BTBD9: variants seen among roughly 807,000 people sequenced by gnomAD.
BTBD9 encodes the protein BTB/POZ domain-containing protein 9.
BTBD9 carries 49 observed loss-of-function variants against 64.3 expected under a neutral mutation model. The ratio of observed to expected loss-of-function variants is 0.76; its 90% confidence interval spans 0.61 to 0.97. The LOEUF is 0.97. Among genes scored for constraint, BTBD9 ranks in the 50% least tolerant of loss-of-function variants. The pLI is 0.00. For missense variants in BTBD9, 598 were observed against 762.1 expected (o/e 0.78, Z 2.53); for synonymous variants, 260 against 274.7 (o/e 0.95, Z 0.53).
intron 9 of BTBD9, among the ~76,000 whole-genome samples, chr6:38,242,876 G>A (rs1764051982): frequency 6.6e-6 from 1 of 152,158 alleles, no homozygotes; most frequent in Admixed American, 6.5e-5. Flanking sequence ...CTTTCTCCTG[G>A]ACTAGGCCCT....
chr6:38,561,932 A>G (rs1392999987), intron 6 of BTBD9, among the ~76,000 whole-genome samples: 3 of 152,208 alleles, frequency 2.0e-5, no homozygotes, highest in Non-Finnish European at 4.4e-5. Flanking sequence ...GTAAAATAAA[A>G]GTTGAAATTA....
chr6:38,445,229 T>A (rs1769214506), intron 6 of BTBD9, among the ~76,000 whole-genome samples: 1 of 152,258 alleles, frequency 6.6e-6, no homozygotes, highest in African/African-American at 2.4e-5. Context: ...GAGTGGTCTA[T>A]AACTACAGTA....
At chr6:38,592,525 T>C (rs771229105) in intron 4 of BTBD9, 51 bp downstream of exon 4, 32 of 1,598,082 alleles carry the variant, frequency 2.0e-5, no homozygotes, top group Non-Finnish European at 2.7e-5. Context: ...TTTAATGGCA[T>C]GAGAGGCATA....
intron 6 of BTBD9, among the ~76,000 whole-genome samples, chr6:38,437,887 A>C (rs1458637829): frequency 1.3e-5 from 2 of 152,128 alleles, no homozygotes; most frequent in Non-Finnish European, 2.9e-5. Context: ...GAAAAGGGGA[A>C]AGAAAGGAAA....
chr6:38,267,282 T>A lies in BTBD9; in HGVS notation c.1455-10766A>T, dbSNP rs557873396. The stretch of plus-strand genomic sequence containing the variant: ...TTTGTGTGAGCTTTTCTGTTCTCTG[T>A]CCTCAATTCTATGAAATTATTAGGA... On this transcript the variant is annotated intron_variant, in intron 8 of 10. Coordinates refer to ENST00000481247, the MANE Select transcript of BTBD9 (RefSeq NM_001099272.2). 9.1e-4 allele frequency among the ~76,000 whole-genome samples: 138 copies of A among 152,366 alleles called. No individual in the cohort carries two copies. In the Middle Eastern group the frequency reaches 0.014, roughly 15 times the overall value.
chr6:38,179,378 G>C (rs1761436240), intron 10 of BTBD9: 2 of 454,654 alleles, frequency 4.4e-6, no homozygotes, highest in African/African-American at 2.0e-5. Flanking sequence ...GACTGATAAA[G>C]GAGAGCGCCC....
chr6:38,193,709 T>C (rs1490476265), intron 9 of BTBD9: 2 of 611,178 alleles, frequency 3.3e-6, no homozygotes, highest in African/African-American at 4.1e-5. Context: ...CTGCCATCCC[T>C]CCTCCGCTCT....
intron 6 of BTBD9, among the ~76,000 whole-genome samples, chr6:38,524,726 C>T (rs1773410833): frequency 6.6e-6 from 1 of 152,172 alleles, no homozygotes; most frequent in Non-Finnish European, 1.5e-5. Context: ...AATTCAGTCA[C>T]TTCTTGAAGC....
intron 7 of BTBD9, among the ~76,000 whole-genome samples, chr6:38,326,310 G>A (rs535952906): frequency 6.6e-6 from 1 of 152,142 alleles, no homozygotes; most frequent in Non-Finnish European, 1.5e-5. Context: ...ATGAGAATTG[G>A]TATAAAATGA....
At chr6:38,386,045 C>T (rs1269454282) in intron 6 of BTBD9, among the ~76,000 whole-genome samples, 2 of 152,122 alleles carry the variant, frequency 1.3e-5, no homozygotes, top group South Asian at 2.1e-4. Flanking sequence ...CCACCCAACT[C>T]GGCCTCCCAA....
intron 6 of BTBD9, among the ~76,000 whole-genome samples, chr6:38,495,417 C>T (rs1370712319): frequency 6.6e-6 from 1 of 152,174 alleles, no homozygotes; most frequent in African/African-American, 2.4e-5. Context: ...AGGACTGGAA[C>T]CAGAGTTAGC....
intron 6 of BTBD9, among the ~76,000 whole-genome samples, chr6:38,444,507 A>C (rs1031363391): frequency 2.0e-5 from 3 of 152,178 alleles, no homozygotes; most frequent in African/African-American, 7.2e-5. Context: ...TGTTGTGAAA[A>C]AATGTAAAGT....
At chr6:38,597,878 C>G in intron 2 of BTBD9, 32 bp downstream of exon 2, 1 of 1,596,216 alleles carries the variant, frequency 6.3e-7, no homozygotes, top group Non-Finnish European at 8.6e-7. Flanking sequence ...TACAAGTGAA[C>G]TAAATTTTCA....
chr6:38,531,533 A>C (rs901988182), intron 6 of BTBD9, among the ~76,000 whole-genome samples: 2 of 152,230 alleles, frequency 1.3e-5, no homozygotes, highest in African/African-American at 4.8e-5. Flanking sequence ...ATACAAAGAA[A>C]AATGGAATAC....
At chr6:38,526,872 C>T (rs1174021883) in intron 6 of BTBD9, among the ~76,000 whole-genome samples, 1 of 152,134 alleles carries the variant, frequency 6.6e-6, no homozygotes, top group African/African-American at 2.4e-5. Flanking sequence ...GCAGAAGGGG[C>T]TTGCCCTGTC....
At chr6:38,587,698 G>T in intron 4 of BTBD9, 1 of 635,392 alleles carries the variant, frequency 1.6e-6, no homozygotes. Flanking sequence ...GGATAGCTTG[G>T]AACCACCTGG....
At chr6:38,562,863 T>G (rs1332995125) in intron 6 of BTBD9, among the ~76,000 whole-genome samples, 2 of 152,182 alleles carry the variant, frequency 1.3e-5, no homozygotes, top group Non-Finnish European at 2.9e-5. Flanking sequence ...GGTGTATGCA[T>G]GTTTAATTTT....
At chr6:38,288,167 G>T in intron 8 of BTBD9, 105 bp downstream of exon 8, 1 of 1,184,126 alleles carries the variant, frequency 8.4e-7, no homozygotes, top group Non-Finnish European at 1.2e-6. Context: ...GCAAAGAACA[G>T]TAGAATTTCT....
At chr6:38,459,901 T>C (rs1769993906) in intron 6 of BTBD9, among the ~76,000 whole-genome samples, 1 of 152,196 alleles carries the variant, frequency 6.6e-6, no homozygotes, top group African/African-American at 2.4e-5. Context: ...TACTGTGACC[T>C]CCAGAATTGA....
Sources: allele counts gnomAD v4.1 joint callset (sites outside exome capture counted in the v4.1 genomes callset), GRCh38; gene constraint gnomAD v4.1.1; transcripts MANE v1.5; gene names NCBI Gene and HGNC (gene_info 2026-07-23, HGNC 2026-07-21).